CDH10: variants seen among roughly 807,000 people sequenced by gnomAD.
CDH10 encodes cadherin-10.
Under a neutral mutation model 73.1 loss-of-function variants are expected in CDH10, and 30 were observed. That is an observed-to-expected ratio of 0.41 (90% CI 0.31 to 0.56). The LOEUF (loss-of-function observed/expected upper bound fraction) is 0.56, where lower values mean the gene tolerates loss of function less well. Ranked by LOEUF, CDH10 falls within the 20% of genes least tolerant of loss-of-function variation. CDH10 has a pLI of 0.27. For missense variants in CDH10, 815 were observed against 973.7 expected (o/e 0.84, Z 2.17); for synonymous variants, 345 against 348.2 (o/e 0.99, Z 0.10).
At chr5:24,607,226 G>A (rs1051646709) in intron 1 of CDH10, among the ~76,000 whole-genome samples, 3 of 152,180 alleles carry the variant, frequency 2.0e-5, no homozygotes, top group South Asian at 2.1e-4. Context: ...TGTTGATGCC[G>A]ACGCCTGCAG....
At chr5:24,522,091 G>A (rs919811485) in intron 5 of CDH10, among the ~76,000 whole-genome samples, 1 of 152,004 alleles carries the variant, frequency 6.6e-6, no homozygotes, top group Non-Finnish European at 1.5e-5. Context: ...CCGCAATTGT[G>A]CCACTGCACT....
intron 8 of CDH10, among the ~76,000 whole-genome samples, chr5:24,500,645 A>G (rs978750898): frequency 6.6e-5 from 10 of 152,308 alleles, no homozygotes; most frequent in Admixed American, 5.2e-4. Flanking sequence ...TCAAAGTAGA[A>G]CCTCTAATCT....
chr5:24,593,279 T>A lies in CDH10; in HGVS notation c.212A>T (p.Asp71Val), dbSNP rs2112092183. The A allele has an allele frequency of 6.3e-7, 1 of 1,599,700 alleles. No individual in the cohort carries two copies. The highest frequency in any genetic ancestry group is 8.6e-7 in the Non-Finnish European group (1 of 1,167,152). The change falls in exon 2 of 12, where the codon GAT becomes GTT. Residue 71 changes from aspartate to valine, a missense_variant. This residue lies in a region of CDH10 where 58 missense variants were observed against 96.7 expected (regional missense o/e 0.60). Transcript: ENST00000264463. ...GCTTACCTTGCCTACGTACTGATAATCAGATCCTGTATATTCTTCAAGTAA... is the reference window on the plus strand; with the variant it reads ...GCTTACCTTGCCTACGTACTGATAAACAGATCCTGTATATTCTTCAAGTAA... ...FFLLEEYTGS[D>V]YQYVGKLHSD...
intron 2 of CDH10, among the ~76,000 whole-genome samples, chr5:24,543,470 C>T (rs907928170): frequency 7.2e-5 from 11 of 151,934 alleles, no homozygotes; most frequent in East Asian, 1.9e-4. Flanking sequence ...CTGAAAATAA[C>T]GAAATTATTA....
At chr5:24,568,161 T>C (rs1454414358) in intron 2 of CDH10, among the ~76,000 whole-genome samples, 2 of 150,860 alleles carry the variant, frequency 1.3e-5, no homozygotes, top group Non-Finnish European at 2.9e-5. Context: ...AAGAGTCTTG[T>C]TATAAACAAA....
intron 5 of CDH10, among the ~76,000 whole-genome samples, chr5:24,528,388 T>A (rs1222164588): frequency 6.6e-6 from 1 of 151,920 alleles, no homozygotes; most frequent in Non-Finnish European, 1.5e-5. Flanking sequence ...TACCTTGGGA[T>A]CCCCAGTAGA....
At chr5:24,573,459 T>C (rs1745472736) in intron 2 of CDH10, among the ~76,000 whole-genome samples, 1 of 151,918 alleles carries the variant, frequency 6.6e-6, no homozygotes, top group Non-Finnish European at 1.5e-5. Context: ...CCCAGCACTT[T>C]GGGAGGCCGA....
At chr5:24,565,761 T>TCA (rs903337518) in intron 2 of CDH10, among the ~76,000 whole-genome samples, 15 of 150,564 alleles carry the variant, frequency 1.0e-4, no homozygotes, top group African/African-American at 2.5e-4. Context: ...TCTCTCTCTT[T>TCA]CACACACACA....
chr5:24,504,714 C>T lies in CDH10; in HGVS notation c.1393+398G>A, dbSNP rs1271033358. Among the ~76,000 whole-genome samples the T allele has an allele frequency of 4.6e-5, 7 of 151,286 alleles. No individual in the cohort carries two copies. The East Asian group carries it at 9.8e-4, about 21-fold the overall frequency. Reference sequence around the variant, plus strand: ...CTAATTTTTTGTATTTTAGTAGAGACGGGGTTTCACTGTGTTAGCCAGGAT... The same window carrying T: ...CTAATTTTTTGTATTTTAGTAGAGATGGGGTTTCACTGTGTTAGCCAGGAT... On this transcript the variant is annotated intron_variant, in intron 8 of 11. Coordinates refer to ENST00000264463, the MANE Select transcript of CDH10 (RefSeq NM_006727.5).
intron 5 of CDH10, among the ~76,000 whole-genome samples, chr5:24,527,833 G>A (rs1743587732): frequency 6.6e-6 from 1 of 151,688 alleles, no homozygotes; most frequent in African/African-American, 2.4e-5. Flanking sequence ...AAGAGAAACT[G>A]AAATGAAAAA....
rs1413438104 is a variant in CDH10 at position 24,491,601 on chromosome 5, G to A, written c.1851C>T (p.Ile617=). The change falls in exon 11 of 12, where the codon ATC becomes ATT. Residue 617 remains isoleucine (I), a synonymous_variant. Coordinates refer to ENST00000264463, the MANE Select transcript of CDH10 (RefSeq NM_006727.5). ...AGLSTGALIA[I]LLCIIILLVI... is the part of the protein sequence containing the mutation. ...CCAGTAGAATGATGATGCAGAGGAGGATGGCGATCAAGGCCCCAGTGCTGA... is the reference window on the plus strand; with the variant it reads ...CCAGTAGAATGATGATGCAGAGGAGAATGGCGATCAAGGCCCCAGTGCTGA... 9.9e-6 allele frequency: 16 copies of A among 1,613,548 alleles called. No individual in the cohort carries two copies. In the South Asian group the frequency reaches 1.8e-4, roughly 18 times the overall value.
At chr5:24,573,946 G>A (rs1395520766) in intron 2 of CDH10, among the ~76,000 whole-genome samples, 4 of 150,338 alleles carry the variant, frequency 2.7e-5, no homozygotes, top group Non-Finnish European at 4.4e-5. Flanking sequence ...GTGCAGTGGC[G>A]CGATCTCCGC....
intron 2 of CDH10, among the ~76,000 whole-genome samples, chr5:24,542,994 T>G (rs1046397890): frequency 5.9e-5 from 9 of 152,178 alleles, no homozygotes; most frequent in Admixed American, 5.2e-4. Flanking sequence ...TCTTTAACTC[T>G]TAATATCGAT....
Position 24,509,666 on chromosome 5 carries a change from T to C in CDH10, c.1156A>G (p.Arg386Gly), listed in dbSNP as rs774894519. The part of the protein sequence containing the change: ...EDVDEPPVFS[R>G]SSYLFEVHED... ...TGAACTTCAAACAGATAGGAGGACC[T>C]ACTAAAAACAGGAGGTTCATCCACA... Residue 386 changes from arginine to glycine, a missense_variant, in exon 7 of 12, where the codon AGG becomes GGG. Transcript: ENST00000264463. 6.2e-7 allele frequency: 1 copy of C among 1,613,274 alleles called. No homozygotes were observed. Among genetic ancestry groups the C allele is most frequent in the Non-Finnish European group, 8.5e-7 (1 of 1,179,194 alleles).
chr5:24,633,935 C>G (rs530245378), intron 1 of CDH10, among the ~76,000 whole-genome samples: 1 of 151,588 alleles, frequency 6.6e-6, no homozygotes, highest in Non-Finnish European at 1.5e-5. Context: ...CTCTCAACAC[C>G]GAAATATGTT....
chr5:24,521,347 C>A (rs1743324198), intron 5 of CDH10, among the ~76,000 whole-genome samples: 5 of 152,084 alleles, frequency 3.3e-5, no homozygotes, highest in Admixed American at 6.6e-5. Flanking sequence ...GAGTTCAAGA[C>A]CAGCCTGACC....
rs1435042463 is a variant in CDH10, at chr5:24,552,459, A to G, written c.232-14785T>C. On this transcript the variant is annotated intron_variant, in intron 2 of 11. Coordinates refer to ENST00000264463, the MANE Select transcript of CDH10 (RefSeq NM_006727.5). ...AATTTTCTTGTGAGTTTTTCCTATA[A>G]TCTGATAGAAATAGCTCACTACAAT... is the stretch of plus-strand genomic sequence containing the variant. Among the ~76,000 whole-genome samples the G allele has an allele frequency of 2.6e-5, 4 of 151,958 alleles. No homozygotes were observed. In the East Asian group the frequency reaches 7.7e-4, roughly 29 times the overall value.
At chr5:24,600,809 AT>A (rs1417039916) in intron 1 of CDH10, among the ~76,000 whole-genome samples, 1 of 152,146 alleles carries the variant, frequency 6.6e-6, no homozygotes, top group African/African-American at 2.4e-5. Flanking sequence ...CATTAAGGAA[AT>A]AAAATTATTT....
chr5:24,522,288 A>G (rs1267459247), intron 5 of CDH10, among the ~76,000 whole-genome samples: 1 of 152,182 alleles, frequency 6.6e-6, no homozygotes, highest in African/African-American at 2.4e-5. Flanking sequence ...ATTTTATGGT[A>G]ACACTATTTT....
Sources: allele counts gnomAD v4.1 joint callset (sites outside exome capture counted in the v4.1 genomes callset), GRCh38; gene constraint gnomAD v4.1.1; regional missense constraint gnomAD v4.1.1; transcripts MANE v1.5; gene names NCBI Gene and HGNC (gene_info 2026-07-23, HGNC 2026-07-21).